ITSN1: variants seen among roughly 807,000 people sequenced by gnomAD.
ITSN1 encodes intersectin-1.
In ITSN1, 58 loss-of-function variants were observed where a neutral mutation model predicts 239.8. The ratio of observed to expected loss-of-function variants is 0.24; its 90% CI spans 0.20 to 0.30. ITSN1 has a LOEUF of 0.30. Ranked by LOEUF, ITSN1 falls within the 10% of genes least tolerant of loss-of-function variation. ITSN1 has a pLI of 1.00. For missense variants in ITSN1, 1,558 were observed against 2,103.3 expected (o/e 0.74, Z 5.07); for synonymous variants, 780 against 770.8 (o/e 1.01, Z -0.20).
At chr21:33,703,293 T>C (rs2092109636) in intron 1 of ITSN1, among the ~76,000 whole-genome samples, 1 of 152,098 alleles carries the variant, frequency 6.6e-6, no homozygotes, top group Non-Finnish European at 1.5e-5. Context: ...GGGATTTTAA[T>C]GTAAGTGCCA....
chr21:33,796,734 T>C (rs1470052041), intron 17 of ITSN1, among the ~76,000 whole-genome samples: 1 of 152,238 alleles, frequency 6.6e-6, no homozygotes, highest in Non-Finnish European at 1.5e-5. Context: ...TATGGGGAGC[T>C]AGTTATTATT....
rs2069220993 is a variant in ITSN1, at chr21:33,772,227, C to T, written c.1209C>T (p.Arg403=). The T allele has an allele frequency of 6.2e-7, 1 of 1,611,092 alleles. No homozygotes were observed. The highest frequency in any genetic ancestry group is 8.5e-7 in the Non-Finnish European group (1 of 1,178,532). ...AGCGTGAGCGCCAGGAGCAAGAGCG[C>T]AAAAGACAACTGGAACTGGAGAAGC... ...RKERERQEQE[R]KRQLELEKQL... The change falls in exon 12 of 40, where the codon CGC becomes CGT. Residue 403 remains arginine, a synonymous_variant. Transcript: ENST00000381318.
At chr21:33,663,958 G>T (rs1444894613) in intron 1 of ITSN1, among the ~76,000 whole-genome samples, 1 of 152,142 alleles carries the variant, frequency 6.6e-6, no homozygotes, top group Non-Finnish European at 1.5e-5. Context: ...GACAGTGGGG[G>T]TTGGAACTTG....
chr21:33,797,355 G>A lies in ITSN1; in HGVS notation c.1953-24G>A, dbSNP rs761602122. On this transcript the variant is annotated intron_variant, in intron 17 of 39. Coordinates refer to ENST00000381318, the MANE Select transcript of ITSN1 (RefSeq NM_003024.3). The surrounding 1 kb of genome is among the most constrained non-coding windows in gnomAD (Gnocchi z 4.9). ...GTTAACTTAGAGTTGCTTTCTTGCT[G>A]TAATCAAGCGTGTTTGTTGGCAGAC... The A allele has an allele frequency of 6.2e-7, 1 of 1,604,370 alleles. No homozygotes were observed. Among genetic ancestry groups the A allele is most frequent in the Non-Finnish European group, 8.5e-7 (1 of 1,172,208 alleles).
intron 27 of ITSN1, among the ~76,000 whole-genome samples, chr21:33,832,559 C>T (rs1180819912): frequency 1.3e-5 from 2 of 152,152 alleles, no homozygotes; most frequent in Non-Finnish European, 2.9e-5. Flanking sequence ...AGCGTGGATC[C>T]ACAAATGAGG....
intron 1 of ITSN1, among the ~76,000 whole-genome samples, chr21:33,664,089 T>C (rs2089758015): frequency 6.6e-6 from 1 of 152,210 alleles, no homozygotes; most frequent in Admixed American, 6.5e-5. Flanking sequence ...GCTGCTCAGC[T>C]ACTGTCTTAG....
intron 24 of ITSN1, among the ~76,000 whole-genome samples, chr21:33,822,532 C>G (rs1257330770): frequency 2.0e-5 from 3 of 152,088 alleles, no homozygotes; most frequent in Non-Finnish European, 4.4e-5. Context: ...GTACCTAGAA[C>G]CTCCATCCAG....
intron 1 of ITSN1, among the ~76,000 whole-genome samples, chr21:33,664,598 T>G (rs2089799139): frequency 6.6e-6 from 1 of 152,172 alleles, no homozygotes; most frequent in South Asian, 2.1e-4. Flanking sequence ...TGTGTAACCA[T>G]AAGCAAGCTA....
chr21:33,887,568 T>C lies in ITSN1; in HGVS notation c.5018-584T>C, dbSNP rs560541196. 2.6e-5 allele frequency among the ~76,000 whole-genome samples: 4 copies of C among 152,146 alleles called. No individual in the cohort carries two copies. The South Asian group carries it at 8.3e-4, about 32-fold the overall frequency. On this transcript the variant is annotated intron_variant, in intron 39 of 39. Coordinates refer to ENST00000381318, the MANE Select transcript of ITSN1 (RefSeq NM_003024.3). The stretch of plus-strand genomic sequence containing the variant: ...AGTCTGGGCTCTTAACTACTATGTG[T>C]ACTGTCAACTTCTAATTCTTTTTTC...
intron 29 of ITSN1, among the ~76,000 whole-genome samples, chr21:33,853,761 G>A (rs1433882948): frequency 6.6e-6 from 1 of 152,182 alleles, no homozygotes; most frequent in Non-Finnish European, 1.5e-5. Context: ...AGCAGCCCTG[G>A]CCAGCCTGCC....
At chr21:33,764,130 A>G (rs1315013493) in intron 9 of ITSN1, among the ~76,000 whole-genome samples, 2 of 152,228 alleles carry the variant, frequency 1.3e-5, no homozygotes, top group South Asian at 2.1e-4. Context: ...TTGGTTGACA[A>G]TTTATTAGGT....
intron 1 of ITSN1, among the ~76,000 whole-genome samples, chr21:33,648,779 G>A (rs1276355488): frequency 3.3e-5 from 5 of 152,018 alleles, no homozygotes; most frequent in Non-Finnish European, 5.9e-5. Flanking sequence ...GAAGTTGGAG[G>A]CTGCAGATGC....
intron 29 of ITSN1, chr21:33,838,343 G>A (rs900044977): frequency 2.0e-6 from 2 of 985,290 alleles, no homozygotes; most frequent in South Asian, 4.7e-5. Context: ...GGTGCAGAGA[G>A]CGAGGACCTC....
chr21:33,687,905 G>A (rs2091324706), intron 1 of ITSN1, among the ~76,000 whole-genome samples: 1 of 152,164 alleles, frequency 6.6e-6, no homozygotes, highest in African/African-American at 2.4e-5. Flanking sequence ...TACAAAGACT[G>A]TTTCTAGGAA....
At chr21:33,700,336 C>T (rs760972345) in intron 1 of ITSN1, among the ~76,000 whole-genome samples, 2 of 152,112 alleles carry the variant, frequency 1.3e-5, no homozygotes, top group African/African-American at 4.8e-5. Context: ...CCACCTGCCT[C>T]GGCTTCCCAA....
At chr21:33,643,195 C>A (rs1341517014) in intron 1 of ITSN1, among the ~76,000 whole-genome samples, 1 of 151,842 alleles carries the variant, frequency 6.6e-6, no homozygotes. Context: ...AGCCCCGGCT[C>A]CTTCCTCGGC....
intron 5 of ITSN1, among the ~76,000 whole-genome samples, chr21:33,748,446 CTAA>C (rs951668854): frequency 2.6e-5 from 4 of 151,596 alleles, no homozygotes; most frequent in African/African-American, 9.7e-5. Context: ...GACCTTATCT[CTAA>C]TAATAAAAGA....
At chr21:33,863,619 C>T (rs188758108) in intron 31 of ITSN1, among the ~76,000 whole-genome samples, 47 of 152,314 alleles carry the variant, frequency 3.1e-4, no homozygotes, top group Non-Finnish European at 5.6e-4. Context: ...CAGAGTGAGA[C>T]TCTGTCTCAA....
chr21:33,696,661 G>C (rs926880479), intron 1 of ITSN1, among the ~76,000 whole-genome samples: 3 of 152,088 alleles, frequency 2.0e-5, no homozygotes, highest in Admixed American at 1.3e-4. Flanking sequence ...TGCAGCTGTT[G>C]CACTGTTTTG....
Sources: allele counts gnomAD v4.1 joint callset (sites outside exome capture counted in the v4.1 genomes callset), GRCh38; gene constraint gnomAD v4.1.1; non-coding constraint Gnocchi (gnomAD v3.1); transcripts MANE v1.5; gene names NCBI Gene and HGNC (gene_info 2026-07-23, HGNC 2026-07-21).